The following INPP4B variants were observed in gnomAD, a reference collection of about 807,000 sequenced individuals.
The protein encoded by INPP4B is inositol polyphosphate-4-phosphatase type II B.
A neutral mutation model predicts 122.5 loss-of-function variants in INPP4B; 55 were observed. The ratio of observed to expected loss-of-function variants is 0.45; its 90% CI spans 0.36 to 0.56. INPP4B has a LOEUF of 0.56. Ranked by LOEUF, INPP4B falls within the 20% of genes least tolerant of loss-of-function variation. The pLI, the probability that INPP4B is intolerant of heterozygous loss-of-function variation, is 0.00. For missense variants in INPP4B, 1,000 were observed against 1,097.7 expected (o/e 0.91, Z 1.26); for synonymous variants, 403 against 388.7 (o/e 1.04, Z -0.43).
In INPP4B at chr4:142,024,558, CAT is replaced by C. The variant is rs1337457926; in HGVS notation, c.*4222_*4223del. 1 of 152,088 alleles carries C rather than the reference CAT, an allele frequency of 6.6e-6. No homozygotes were observed. Among genetic ancestry groups the C allele is most frequent in the Non-Finnish European group, 1.5e-5 (1 of 68,006 alleles). The allele number at this position is 152,088 out of a possible 1,614,324, so 9.4% of individuals were successfully genotyped here. A position where few individuals can be genotyped will look rare whatever the true frequency, so the allele number is the denominator to read the frequency against. On this transcript the variant is annotated 3_prime_UTR_variant, in exon 26 of 26. Coordinates refer to ENST00000262992, the MANE Select transcript of INPP4B (RefSeq NM_001101669.3). The stretch of plus-strand genomic sequence containing the variant: ...TCCTAAAAGACTACAAATGGTGCCT[CAT>C]ATATTGAACCAAACAAATGATATAC...
intron 3 of INPP4B, among the ~76,000 whole-genome samples, chr4:142,442,487 T>C (rs1812040839): frequency 6.7e-6 from 1 of 149,580 alleles, no homozygotes; most frequent in African/African-American, 2.5e-5. Flanking sequence ...AAATTAAATG[T>C]TCTGTGGGCA....
chr4:142,718,055 G>A (rs1178472860), intron 2 of INPP4B, among the ~76,000 whole-genome samples: 3 of 152,036 alleles, frequency 2.0e-5, no homozygotes, highest in Non-Finnish European at 4.4e-5. Context: ...TAAGTAAGTC[G>A]TATGCATATG....
At chr4:142,800,544 A>G (rs923914511) in intron 1 of INPP4B, among the ~76,000 whole-genome samples, 1 of 152,194 alleles carries the variant, frequency 6.6e-6, no homozygotes, top group African/African-American at 2.4e-5. Context: ...AAGAATTTGA[A>G]TTTTCATGAG....
At chr4:142,571,959 T>A (rs1365632176) in intron 2 of INPP4B, among the ~76,000 whole-genome samples, 6 of 152,186 alleles carry the variant, frequency 3.9e-5, no homozygotes, top group Admixed American at 3.9e-4. Context: ...CTTTTTTGGT[T>A]TGTACCAGGG....
At chr4:142,555,634 C>G (rs944493406) in intron 2 of INPP4B, among the ~76,000 whole-genome samples, 1 of 151,828 alleles carries the variant, frequency 6.6e-6, no homozygotes, top group African/African-American at 2.4e-5. Context: ...TTTGGGAGGC[C>G]GAGGCGGGTG....
intron 9 of INPP4B, among the ~76,000 whole-genome samples, chr4:142,291,851 C>G (rs921568975): frequency 2.0e-5 from 3 of 152,128 alleles, no homozygotes; most frequent in African/African-American, 7.2e-5. Flanking sequence ...TGCATCATTT[C>G]CTATCCATGA....
intron 2 of INPP4B, among the ~76,000 whole-genome samples, chr4:142,509,301 C>A (rs1824410499): frequency 6.6e-6 from 1 of 152,120 alleles, no homozygotes; most frequent in African/African-American, 2.4e-5. Flanking sequence ...CATAGGTATA[C>A]ATGTGCTATG....
chr4:142,797,827 A>C (rs1001749038), intron 1 of INPP4B, among the ~76,000 whole-genome samples: 2 of 151,990 alleles, frequency 1.3e-5, no homozygotes, highest in Non-Finnish European at 2.9e-5. Context: ...ATGTTTTCAG[A>C]TATTCAAGAA....
intron 1 of INPP4B, among the ~76,000 whole-genome samples, chr4:142,835,255 A>G (rs1782640210): frequency 6.6e-6 from 1 of 152,188 alleles, no homozygotes; most frequent in Non-Finnish European, 1.5e-5. Context: ...ATCTATATGC[A>G]GCTTCCTGAG....
At chr4:142,043,496 C>T (rs1265982135) in intron 25 of INPP4B, among the ~76,000 whole-genome samples, 7 of 151,570 alleles carry the variant, frequency 4.6e-5, no homozygotes, top group East Asian at 1.9e-4. Context: ...TAGTGAAGGC[C>T]GGATAGGGTT....
At chr4:142,269,839 T>C (rs1382918695) in intron 10 of INPP4B, among the ~76,000 whole-genome samples, 2 of 152,150 alleles carry the variant, frequency 1.3e-5, no homozygotes, top group East Asian at 3.8e-4. Context: ...TATACAATGA[T>C]TGTTTATTAA....
chr4:142,662,261 G>T (rs2150590046), intron 2 of INPP4B, among the ~76,000 whole-genome samples: 1 of 152,038 alleles, frequency 6.6e-6, no homozygotes, highest in South Asian at 2.1e-4. Flanking sequence ...CAAAAAAACG[G>T]TGGGAGAGGT....
intron 25 of INPP4B, among the ~76,000 whole-genome samples, chr4:142,052,476 A>G (rs114404070): frequency 0.013 from 1,956 of 152,212 alleles, 43 homozygotes; most frequent in African/African-American, 0.044. Flanking sequence ...TGTGCTAAAT[A>G]AGTATTGTAT....
chr4:142,429,077 G>T, intron 5 of INPP4B, 96 bp downstream of exon 5: 1 of 603,750 alleles, frequency 1.7e-6, no homozygotes, highest in South Asian at 2.3e-5. Flanking sequence ...ATAAAAATTT[G>T]TCAAATATGT....
chr4:142,545,162 T>G (rs938102023), intron 2 of INPP4B, among the ~76,000 whole-genome samples: 1 of 152,190 alleles, frequency 6.6e-6, no homozygotes, highest in Non-Finnish European at 1.5e-5. Context: ...TAATAAAATA[T>G]ATCAAGGAAA....
intron 25 of INPP4B, among the ~76,000 whole-genome samples, chr4:142,043,536 G>T (rs1292950205): frequency 6.6e-6 from 1 of 151,950 alleles, no homozygotes; most frequent in Non-Finnish European, 1.5e-5. Flanking sequence ...TGAGATAGAG[G>T]GGTATAAATA....
chr4:142,647,881 T>C (rs999592501), intron 2 of INPP4B, among the ~76,000 whole-genome samples: 2 of 152,250 alleles, frequency 1.3e-5, no homozygotes, highest in African/African-American at 4.8e-5. Context: ...GTTACTTTCT[T>C]TTGTTCTACC....
chr4:142,710,905 G>A (rs768313064), intron 2 of INPP4B, among the ~76,000 whole-genome samples: 4 of 152,074 alleles, frequency 2.6e-5, no homozygotes, highest in East Asian at 1.9e-4. Context: ...CCATCACTCT[G>A]GTATTTCTCT....
chr4:142,162,421 G>A (rs1820580321), intron 16 of INPP4B, among the ~76,000 whole-genome samples: 1 of 151,778 alleles, frequency 6.6e-6, no homozygotes, highest in Non-Finnish European at 1.5e-5. Flanking sequence ...TATATAGCAT[G>A]GATGTGCTTA....
Sources: gnomAD v4.1 joint callset for allele counts (sites outside exome capture counted in the v4.1 genomes callset) on GRCh38, gnomAD v4.1.1 for gene constraint, MANE v1.5 for transcripts, NCBI Gene and HGNC (gene_info 2026-07-23, HGNC 2026-07-21) for gene names.